Variants in AKAP19 observed in about 807,000 individuals in gnomAD.
AKAP19 encodes small A-kinase anchoring protein.
At chr2:190,174,470 G>A in the AKAP19 span, among the ~76,000 whole-genome samples, 1 of 152,036 alleles carries the variant, frequency 6.6e-6, no homozygotes, top group Non-Finnish European at 1.5e-5. Flanking sequence ...CAGTTATGTG[G>A]CTATGCCCCC....
At chr2:189,889,006 T>C in the AKAP19 span, among the ~76,000 whole-genome samples, 2 of 152,230 alleles carry the variant, frequency 1.3e-5, no homozygotes, top group African/African-American at 4.8e-5. Flanking sequence ...CATCCCTGTC[T>C]TGTGCCAGTT....
At chr2:190,052,142 A>G in the AKAP19 span, among the ~76,000 whole-genome samples, 1 of 152,036 alleles carries the variant, frequency 6.6e-6, no homozygotes, top group East Asian at 1.9e-4. Flanking sequence ...CTTTACTATA[A>G]TTTTTATCCC....
the AKAP19 span, among the ~76,000 whole-genome samples, chr2:189,990,054 G>A: frequency 2.6e-5 from 4 of 152,262 alleles, no homozygotes; most frequent in East Asian, 7.7e-4. Context: ...ACTTGGAATA[G>A]CCAAAATAAT....
the AKAP19 span, among the ~76,000 whole-genome samples, chr2:189,968,061 A>G: frequency 2.0e-5 from 3 of 152,184 alleles, no homozygotes; most frequent in African/African-American, 7.2e-5. Context: ...AGAATAAGGA[A>G]CAGTGTGTTG....
chr2:190,057,031 G>C, the AKAP19 span: 25 of 528,222 alleles, frequency 4.7e-5, no homozygotes, highest in South Asian at 2.5e-4. Flanking sequence ...TCTCCTTCTA[G>C]CTCAAAAACT....
the AKAP19 span, among the ~76,000 whole-genome samples, chr2:190,133,200 T>C: frequency 1.3e-4 from 16 of 120,710 alleles, no homozygotes; most frequent in Admixed American, 1.1e-4. Context: ...ATCACGCCAC[T>C]GCACTCCAGC....
the AKAP19 span, among the ~76,000 whole-genome samples, chr2:189,997,642 T>A: frequency 6.6e-6 from 1 of 152,084 alleles, no homozygotes; most frequent in African/African-American, 2.4e-5. Flanking sequence ...ACCAAGTTTA[T>A]CTCCAGGCAG....
the AKAP19 span, among the ~76,000 whole-genome samples, chr2:190,012,485 T>C: frequency 6.6e-6 from 1 of 152,278 alleles, no homozygotes. Flanking sequence ...CCTACAACTT[T>C]ATTTGTTTAT....
the AKAP19 span, among the ~76,000 whole-genome samples, chr2:189,948,499 C>T: frequency 4.8e-4 from 73 of 152,262 alleles, no homozygotes; most frequent in Middle Eastern, 3.4e-3. Context: ...TTTTGCTCCC[C>T]TGCATTACCC....
the AKAP19 span, among the ~76,000 whole-genome samples, chr2:189,963,122 A>T: frequency 1.3e-5 from 2 of 152,076 alleles, no homozygotes; most frequent in Non-Finnish European, 2.9e-5. Flanking sequence ...TTGCTCATCC[A>T]TAAGAAGCAA....
chr2:190,017,620 T>A, the AKAP19 span, among the ~76,000 whole-genome samples: 1 of 152,264 alleles, frequency 6.6e-6, no homozygotes, highest in African/African-American at 2.4e-5. Context: ...CTTTGACAAT[T>A]TATTTTAGCT....
At chr2:190,069,133 CAT>C in the AKAP19 span, among the ~76,000 whole-genome samples, 8 of 95,030 alleles carry the variant, frequency 8.4e-5, no homozygotes, top group African/African-American at 3.2e-4. Flanking sequence ...TGTGTGCATG[CAT>C]ATGTGTGTGT....
chr2:190,018,927 G>A, the AKAP19 span, among the ~76,000 whole-genome samples: 3 of 152,126 alleles, frequency 2.0e-5, no homozygotes, highest in South Asian at 2.1e-4. Flanking sequence ...TGGGGCTGCC[G>A]GCTGGATTCT....
the AKAP19 span, chr2:189,930,334 C>A: frequency 3.1e-6 from 2 of 650,348 alleles, no homozygotes; most frequent in South Asian, 5.1e-5. Flanking sequence ...TGAAGGATCT[C>A]ATCTACCAGT....
the AKAP19 span, chr2:190,055,698 T>G: frequency 6.6e-6 from 1 of 152,168 alleles, no homozygotes; most frequent in Non-Finnish European, 1.5e-5. Context: ...TAAAAACTGT[T>G]GTGTCTTTCA....
the AKAP19 span, chr2:190,079,118 T>C: frequency 6.6e-6 from 1 of 152,234 alleles, no homozygotes; most frequent in African/African-American, 2.4e-5. Context: ...CAGTCTATTT[T>C]ACACCCCTTT....
the AKAP19 span, among the ~76,000 whole-genome samples, chr2:189,920,124 C>T: frequency 6.6e-6 from 1 of 152,234 alleles, no homozygotes; most frequent in Non-Finnish European, 1.5e-5. Context: ...CATATATTCT[C>T]AGTTTGGTTC....
the AKAP19 span, among the ~76,000 whole-genome samples, chr2:189,913,900 C>T: frequency 1.3e-5 from 2 of 151,954 alleles, no homozygotes; most frequent in Non-Finnish European, 2.9e-5. Context: ...CTACAATAAT[C>T]CAAATTAATA....
the AKAP19 span, among the ~76,000 whole-genome samples, chr2:190,093,999 G>A: frequency 6.6e-6 from 1 of 152,188 alleles, no homozygotes; most frequent in Non-Finnish European, 1.5e-5. Flanking sequence ...GAAAGCAGCA[G>A]CTCTTTTATT....
Sources: gnomAD v4.1 joint callset for allele counts (sites outside exome capture counted in the v4.1 genomes callset) on GRCh38, gnomAD v4.1.1 for gene constraint, MANE v1.5 for transcripts, NCBI Gene and HGNC (gene_info 2026-07-23, HGNC 2026-07-21) for gene names.